POFUT3: variants seen among roughly 807,000 people sequenced by gnomAD.
The protein encoded by POFUT3 is GDP-fucose protein O-fucosyltransferase 3.
chr8:33,426,168 G>C, the POFUT3 span, among the ~76,000 whole-genome samples: 7 of 152,076 alleles, frequency 4.6e-5, no homozygotes, highest in African/African-American at 1.7e-4. Context: ...GCCTCCCAAA[G>C]TGGTGGGATT....
the POFUT3 span, among the ~76,000 whole-genome samples, chr8:33,432,069 G>A: frequency 2.2e-3 from 334 of 152,192 alleles, 2 homozygotes; most frequent in African/African-American, 7.1e-3. Flanking sequence ...GAGCCTAGGA[G>A]TATGAGACCA....
the POFUT3 span, chr8:33,455,831 A>C: frequency 1.5e-5 from 7 of 455,238 alleles, no homozygotes; most frequent in Non-Finnish European, 2.6e-5. Flanking sequence ...GAAGCATTGC[A>C]TGGAGTCTGT....
At chr8:33,460,993 T>C in the POFUT3 span, among the ~76,000 whole-genome samples, 2 of 151,940 alleles carry the variant, frequency 1.3e-5, no homozygotes, top group African/African-American at 4.8e-5. Context: ...TCTCTATTAA[T>C]AATACAAAAA....
the POFUT3 span, among the ~76,000 whole-genome samples, chr8:33,318,082 C>T: frequency 3.3e-5 from 5 of 152,092 alleles, no homozygotes; most frequent in African/African-American, 9.7e-5. Flanking sequence ...AGAGTGCAGT[C>T]TTTTGATGCT....
chr8:33,414,344 G>A, the POFUT3 span, among the ~76,000 whole-genome samples: 1 of 152,076 alleles, frequency 6.6e-6, no homozygotes, highest in Non-Finnish European at 1.5e-5. Flanking sequence ...CTCTGTCCCA[G>A]GCCACTGTTC....
At chr8:33,326,312 C>T in the POFUT3 span, among the ~76,000 whole-genome samples, 2 of 152,054 alleles carry the variant, frequency 1.3e-5, no homozygotes. Context: ...GCATGGCCCT[C>T]CAGTACCCTT....
At chr8:33,465,852 T>C in the POFUT3 span, among the ~76,000 whole-genome samples, 8 of 152,218 alleles carry the variant, frequency 5.3e-5, no homozygotes, top group Non-Finnish European at 1.2e-4. Context: ...GGAAAGCAGA[T>C]AAATGAAGGA....
At chr8:33,419,158 T>C in the POFUT3 span, among the ~76,000 whole-genome samples, 2,852 of 152,306 alleles carry the variant, frequency 0.019, 85 homozygotes, top group Middle Eastern at 0.061. Flanking sequence ...TAGTGTTTGA[T>C]AGCAGAGTAG....
the POFUT3 span, among the ~76,000 whole-genome samples, chr8:33,357,548 A>G: frequency 6.6e-6 from 1 of 151,498 alleles, no homozygotes; most frequent in Non-Finnish European, 1.5e-5. Context: ...GTGTGTATAT[A>G]TATATACATA....
At chr8:33,388,834 C>A in the POFUT3 span, 11 of 767,570 alleles carry the variant, frequency 1.4e-5, no homozygotes, top group Non-Finnish European at 2.4e-5. Context: ...AACCTTCCTG[C>A]AAAGCCCGGT....
At chr8:33,396,133 G>A in the POFUT3 span, among the ~76,000 whole-genome samples, 2,562 of 152,240 alleles carry the variant, frequency 0.017, 57 homozygotes, top group African/African-American at 0.059. Context: ...GTGCTGGCTA[G>A]AGAGTTCTTG....
chr8:33,327,602 C>T, the POFUT3 span, among the ~76,000 whole-genome samples: 2 of 152,102 alleles, frequency 1.3e-5, no homozygotes, highest in African/African-American at 4.8e-5. Context: ...CAAGGGCACC[C>T]AGCTAGATGG....
the POFUT3 span, among the ~76,000 whole-genome samples, chr8:33,332,690 C>G: frequency 6.6e-6 from 1 of 152,100 alleles, no homozygotes; most frequent in Non-Finnish European, 1.5e-5. Flanking sequence ...GATTGTTTAG[C>G]TTTATTTTAG....
At chr8:33,324,918 C>T in the POFUT3 span, among the ~76,000 whole-genome samples, 1 of 152,204 alleles carries the variant, frequency 6.6e-6, no homozygotes, top group Non-Finnish European at 1.5e-5. Context: ...CTTACTACTT[C>T]TGAGCTGCAC....
At chr8:33,434,395 G>A in the POFUT3 span, among the ~76,000 whole-genome samples, 2 of 152,012 alleles carry the variant, frequency 1.3e-5, no homozygotes, top group South Asian at 2.1e-4. Context: ...CCCCACCAAG[G>A]CACCCCTCCC....
chr8:33,421,332 T>A, the POFUT3 span, among the ~76,000 whole-genome samples: 6 of 152,204 alleles, frequency 3.9e-5, no homozygotes, highest in Non-Finnish European at 5.9e-5. Context: ...GGGACAAGCA[T>A]CTTGAATTTC....
the POFUT3 span, among the ~76,000 whole-genome samples, chr8:33,386,774 C>G: frequency 6.6e-6 from 1 of 152,144 alleles, no homozygotes. Context: ...CACGCCACCG[C>G]ACTCCAGCCA....
chr8:33,448,619 T>C, the POFUT3 span, among the ~76,000 whole-genome samples: 12 of 152,206 alleles, frequency 7.9e-5, 1 homozygote, highest in South Asian at 2.5e-3. Flanking sequence ...GGGTTTAGAA[T>C]GGGTCTCTCT....
chr8:33,448,328 G>A, the POFUT3 span, among the ~76,000 whole-genome samples: 2 of 152,130 alleles, frequency 1.3e-5, no homozygotes, highest in African/African-American at 4.8e-5. Flanking sequence ...ATCCTATGAT[G>A]TGATGGAAAG....
Sources: allele counts gnomAD v4.1 joint callset (sites outside exome capture counted in the v4.1 genomes callset), GRCh38; gene constraint gnomAD v4.1.1; transcripts MANE v1.5; gene names NCBI Gene and HGNC (gene_info 2026-07-23, HGNC 2026-07-21).